The following CNBP variants were observed in gnomAD, a reference collection of about 807,000 sequenced individuals.
CNBP encodes the protein cellular nucleic acid-binding protein.
Under a neutral mutation model 21.2 loss-of-function variants are expected in CNBP, and 6 were observed. The observed-to-expected ratio is 0.28, with a 90% CI of 0.16 to 0.56. The LOEUF is 0.56. CNBP is among the 20% of genes least tolerant of loss of function. The probability of loss-of-function intolerance (pLI) is 0.93; values close to 1 mark genes in which losing one functional copy is unlikely to be tolerated. For missense variants in CNBP, 112 were observed against 233.1 expected, an observed-to-expected ratio of 0.48 and a Z score of 3.38; for synonymous variants, 61 against 74.9, an observed-to-expected ratio of 0.81 and a Z score of 0.96.
intron 1 of CNBP, among the ~76,000 whole-genome samples, chr3:129,180,965 C>CACGGT (rs1367947057): frequency 1.3e-5 from 2 of 151,898 alleles, no homozygotes; most frequent in Non-Finnish European, 2.9e-5. Context: ...GTTGGCAAGG[C>CACGGT]ACGGTGGCTC....
chr3:129,182,415 C>T (rs1938361335), intron 1 of CNBP, among the ~76,000 whole-genome samples: 1 of 152,094 alleles, frequency 6.6e-6, no homozygotes, highest in Admixed American at 6.6e-5. Flanking sequence ...CCCCCAAGAC[C>T]AGAAACAGTC....
In CNBP at chr3:129,169,239, A is replaced by G. The variant is rs1037245540; in HGVS notation, c.*1214T>C. Reference sequence around the variant, plus strand: ...AACCCGGGAGGTGGAGGTTGCAGTGAGCCAAGCCTGCACTCCAGCCTGGGC... The same window carrying G: ...AACCCGGGAGGTGGAGGTTGCAGTGGGCCAAGCCTGCACTCCAGCCTGGGC... On this transcript the variant is annotated 3_prime_UTR_variant, in exon 5 of 5. Transcript: ENST00000422453. Among the ~76,000 whole-genome samples the G allele has an allele frequency of 2.0e-5, 3 of 152,304 alleles. No individual in the cohort carries two copies. Among genetic ancestry groups the G allele is most frequent in the Admixed American group, 1.3e-4 (2 of 15,302 alleles).
chr3:129,169,905 T>G lies in CNBP; in HGVS notation c.*548A>C, dbSNP rs1186874752. 8.7e-6 allele frequency: 2 copies of G among 231,104 alleles called. No individual in the cohort carries two copies. The highest frequency in any genetic ancestry group is 1.8e-4 in the South Asian group (1 of 5,584). 14.3% of individuals were successfully genotyped at this position (231,104 alleles called of 1,614,324 possible). ...ACACTGTGATGAAGTTGTTCCTGTTTAGGCTTTTATTCCGATTTCTCTCGA... is the reference window on the plus strand; with the variant it reads ...ACACTGTGATGAAGTTGTTCCTGTTGAGGCTTTTATTCCGATTTCTCTCGA... On this transcript the variant is annotated 3_prime_UTR_variant, in exon 5 of 5. Transcript: ENST00000422453.
chr3:129,170,228 A>C lies in CNBP; in HGVS notation c.*225T>G. 2.0e-6 allele frequency: 1 copy of C among 501,520 alleles called. No individual in the cohort carries two copies. Among genetic ancestry groups the C allele is most frequent in the Non-Finnish European group, 3.6e-6 (1 of 278,798 alleles). 31.1% of individuals were successfully genotyped at this position (501,520 alleles called of 1,614,324 possible). On this transcript the variant is annotated 3_prime_UTR_variant, in exon 5 of 5. Coordinates refer to ENST00000422453, the MANE Select transcript of CNBP (RefSeq NM_003418.5). ...CAGTGGCACGGAAAGGGGGTTCTTT[A>C]ACAAAGCATTATACATAACACCTCT... is the stretch of plus-strand genomic sequence containing the variant.
In CNBP at chr3:129,178,657, G is replaced by C. The variant is rs371175312; in HGVS notation, c.-15+5119C>G. On this transcript the variant is annotated intron_variant, in intron 1 of 4. Coordinates refer to ENST00000422453, the MANE Select transcript of CNBP (RefSeq NM_003418.5). ...ACTTAACTGCATTTAGACCATACTG[G>C]AGCTTTTGCCCTCTGAATGTATGTA... Among the ~76,000 whole-genome samples, 26 of 152,258 alleles carry C rather than the reference G, an allele frequency of 1.7e-4. 3 individuals carry two copies. The highest frequency in any genetic ancestry group is 5.9e-4 in the Admixed American group (9 of 15,274).
At chr3:129,173,993 T>C (rs1026647277) in intron 1 of CNBP, among the ~76,000 whole-genome samples, 8 of 152,202 alleles carry the variant, frequency 5.3e-5, no homozygotes, top group Non-Finnish European at 1.2e-4. Flanking sequence ...TACACTGAAG[T>C]TGAGTTTCAA....
At chr3:129,180,023 GA>G (rs1009727320) in intron 1 of CNBP, among the ~76,000 whole-genome samples, 4 of 150,296 alleles carry the variant, frequency 2.7e-5, no homozygotes, top group African/African-American at 4.9e-5. Context: ...AAAAGAAAAG[GA>G]AAAAAAAAGT....
intron 1 of CNBP, among the ~76,000 whole-genome samples, chr3:129,172,086 G>A (rs1576909935): frequency 6.6e-6 from 1 of 152,026 alleles, no homozygotes; most frequent in East Asian, 1.9e-4. Flanking sequence ...CAGGAGAATG[G>A]TGTGAACCCA....
Position 129,170,353 on chromosome 3 carries a change from G to C in CNBP, c.*100C>G, listed in dbSNP as rs1344619768. On this transcript the variant is annotated 3_prime_UTR_variant, in exon 5 of 5. Transcript: ENST00000422453. ...CACGGCAAGTAAAGCTCACTGGCCT[G>C]GGAGTTGCCTCTATCTGCCAACCTT... 4 of 966,104 alleles carry C rather than the reference G, an allele frequency of 4.1e-6. No individual in the cohort carries two copies. The highest frequency in any genetic ancestry group is 6.7e-6 in the Non-Finnish European group (4 of 600,624). 59.8% of individuals were successfully genotyped at this position (966,104 alleles called of 1,614,324 possible).
At chr3:129,176,275 T>C (rs1044184501) in intron 1 of CNBP, among the ~76,000 whole-genome samples, 1 of 152,184 alleles carries the variant, frequency 6.6e-6, no homozygotes, top group Non-Finnish European at 1.5e-5. Context: ...TCACAACTTT[T>C]TCCAACCTTC....
intron 1 of CNBP, among the ~76,000 whole-genome samples, chr3:129,181,083 T>C (rs933680597): frequency 1.4e-5 from 2 of 145,796 alleles, no homozygotes; most frequent in Non-Finnish European, 3.0e-5. Flanking sequence ...CTACAAAAAA[T>C]ACAAAAATTA....
In CNBP at chr3:129,168,576, C is replaced by A. The variant is rs1349111537; in HGVS notation, c.*1877G>T. ...TGAGCTGAGATTGCACCATTGCACT[C>A]TAGCCTGGGCAACAGAGCGAGACTG... On this transcript the variant is annotated 3_prime_UTR_variant, in exon 5 of 5. Transcript: ENST00000422453. Among the ~76,000 whole-genome samples the A allele has an allele frequency of 8.2e-6, 1 of 121,354 alleles. No individual in the cohort carries two copies. Among genetic ancestry groups the A allele is most frequent in the Non-Finnish European group, 1.6e-5 (1 of 62,280 alleles). 79.6% of individuals were successfully genotyped at this position (121,354 alleles called of 152,430 possible). A position where few individuals can be genotyped will look rare whatever the true frequency, so the allele number is the denominator to read the frequency against.
At chr3:129,175,998 A>G (rs959472794) in intron 1 of CNBP, among the ~76,000 whole-genome samples, 6 of 152,138 alleles carry the variant, frequency 3.9e-5, no homozygotes, top group African/African-American at 1.4e-4. Flanking sequence ...TGTCTCTTTA[A>G]TAACATTATT....
In CNBP at chr3:129,169,149, C is replaced by T. The variant is rs1415549708; in HGVS notation, c.*1304G>A. On this transcript the variant is annotated 3_prime_UTR_variant, in exon 5 of 5. Coordinates refer to ENST00000422453, the MANE Select transcript of CNBP (RefSeq NM_003418.5). ...TAAAAATAAAAATACAAAAAATTAG[C>T]GGGGGGTGGTGGCGGGTGCCTGTAA... Among the ~76,000 whole-genome samples the T allele has an allele frequency of 4.0e-5, 6 of 151,648 alleles. No individual in the cohort carries two copies. The highest frequency in any genetic ancestry group is 3.9e-4 in the Admixed American group (6 of 15,218).
rs1367375702 is a variant in CNBP at position 129,181,649 on chromosome 3, C to CAAAAAAAAAAAAAAAAAAAAAAAAAAAA, written c.-15+2126_-15+2127insTTTTTTTTTTTTTTTTTTTTTTTTTTTT. The stretch of plus-strand genomic sequence containing the variant: ...TGGGCGACAGAGTGAGACTCCGTCT[C>CAAAAAAAAAAAAAAAAAAAAAAAAAAAA]AGAAAAAAAAAAAGAAAAACCCCTG... On this transcript the variant is annotated intron_variant, in intron 1 of 4. Coordinates refer to ENST00000422453, the MANE Select transcript of CNBP (RefSeq NM_003418.5). Among the ~76,000 whole-genome samples the CAAAAAAAAAAAAAAAAAAAAAAAAAAAA allele has an allele frequency of 4.2e-5, 3 of 72,212 alleles. 1 individual carries two copies. The highest frequency in any genetic ancestry group is 7.0e-5 in the African/African-American group (1 of 14,202). 47.4% of individuals were successfully genotyped at this position (72,212 alleles called of 152,430 possible). A position where few individuals can be genotyped will look rare whatever the true frequency, so the allele number is the denominator to read the frequency against.
At chr3:129,177,692 AGAG>A (rs752621069) in intron 1 of CNBP, among the ~76,000 whole-genome samples, 15 of 152,206 alleles carry the variant, frequency 9.9e-5, no homozygotes, top group Non-Finnish European at 1.6e-4. Flanking sequence ...GAAGAGATTA[AGAG>A]GAGAAACACC....
intron 1 of CNBP, among the ~76,000 whole-genome samples, chr3:129,182,557 A>G (rs1030910792): frequency 6.6e-6 from 1 of 152,212 alleles, no homozygotes; most frequent in Non-Finnish European, 1.5e-5. Context: ...ACAGGTTCTC[A>G]CGATATGGAA....
chr3:129,171,819 A>T, intron 1 of CNBP, 48 bp from the exon 2 acceptor site: 1 of 1,560,938 alleles, frequency 6.4e-7, no homozygotes, highest in Non-Finnish European at 8.7e-7. Flanking sequence ...AAGTTCTTTT[A>T]ACTTTTATTC....
chr3:129,170,251 T>C lies in CNBP; in HGVS notation c.*202A>G. On this transcript the variant is annotated 3_prime_UTR_variant, in exon 5 of 5. Transcript: ENST00000422453. The stretch of plus-strand genomic sequence containing the variant: ...TTAACAAAGCATTATACATAACACC[T>C]CTACCAAACTAAACATAAACTTTTT... 3.4e-6 allele frequency: 2 copies of C among 581,764 alleles called. No homozygotes were observed. The highest frequency in any genetic ancestry group is 6.2e-6 in the Non-Finnish European group (2 of 325,156). The allele number at this position is 581,764 out of a possible 1,614,324, so 36.0% of individuals were successfully genotyped here. A position where few individuals can be genotyped will look rare whatever the true frequency, so the allele number is the denominator to read the frequency against.
Sources: gnomAD v4.1 joint callset for allele counts (sites outside exome capture counted in the v4.1 genomes callset) on GRCh38, gnomAD v4.1.1 for gene constraint, MANE v1.5 for transcripts, NCBI Gene and HGNC (gene_info 2026-07-23, HGNC 2026-07-21) for gene names.